The following PPP1R9A variants were observed in gnomAD, a reference collection of about 807,000 sequenced individuals.
PPP1R9A encodes the protein neurabin-1.
Under a neutral mutation model 141.9 loss-of-function variants are expected in PPP1R9A, and 59 were observed. The ratio of observed to expected loss-of-function variants is 0.42; its 90% CI spans 0.34 to 0.52. The LOEUF is 0.52. Among genes scored for constraint, PPP1R9A ranks in the 20% least tolerant of loss-of-function variants. The pLI is 0.10. For synonymous variants in PPP1R9A, 500 were observed against 569.7 expected (o/e 0.88, Z 1.74); for missense variants, 1,444 against 1,611.9 (o/e 0.90, Z 1.78).
chr7:95,070,603 A>ATATATATATATATATATG (rs1399784033), intron 2 of PPP1R9A, among the ~76,000 whole-genome samples: 1 of 125,938 alleles, frequency 7.9e-6, no homozygotes, highest in African/African-American at 2.8e-5. Context: ...GTATATATAT[A>ATATATATATATATATATG]TATATATACA....
intron 2 of PPP1R9A, among the ~76,000 whole-genome samples, chr7:95,079,761 C>A (rs1435956350): frequency 2.6e-5 from 4 of 152,128 alleles, no homozygotes; most frequent in African/African-American, 9.7e-5. Context: ...GGGCTTCATC[C>A]CTGGGATGCA....
At chr7:95,236,890 T>C (rs1227416020) in intron 8 of PPP1R9A, among the ~76,000 whole-genome samples, 1 of 151,644 alleles carries the variant, frequency 6.6e-6, no homozygotes, top group East Asian at 1.9e-4. Flanking sequence ...ATATGTATTT[T>C]TTCTTGCAAT....
At chr7:95,138,347 C>A (rs1206655816) in intron 4 of PPP1R9A, among the ~76,000 whole-genome samples, 2 of 152,172 alleles carry the variant, frequency 1.3e-5, no homozygotes, top group Non-Finnish European at 2.9e-5. Flanking sequence ...GGACCACAAA[C>A]CCTGTTTCAC....
Position 95,191,360 on chromosome 7 carries a change from G to A in PPP1R9A, c.1755-6989G>A, listed in dbSNP as rs906472831. 3.3e-5 allele frequency among the ~76,000 whole-genome samples: 5 copies of A among 152,162 alleles called. 1 individual carries two copies. The highest frequency in any genetic ancestry group is 3.3e-4 in the Admixed American group (5 of 15,268). ...AAAAATTTTAATTGACATAATGATT[G>A]CATATATTGAAGTGGTACATAATTA... is the stretch of plus-strand genomic sequence containing the variant. On this transcript the variant is annotated intron_variant, in intron 5 of 19. Coordinates refer to ENST00000433360, the MANE Select transcript of PPP1R9A (RefSeq NM_001166160.2).
chr7:94,943,895 G>A (rs1407632396), intron 2 of PPP1R9A, among the ~76,000 whole-genome samples: 1 of 152,060 alleles, frequency 6.6e-6, no homozygotes. Flanking sequence ...GCAAAAGTAG[G>A]TTATTTGTTT....
intron 18 of PPP1R9A, among the ~76,000 whole-genome samples, chr7:95,286,661 C>G (rs1805392976): frequency 6.6e-6 from 1 of 152,104 alleles, no homozygotes. Flanking sequence ...CCTCCCCTGA[C>G]AACCACACTC....
chr7:94,924,776 C>T (rs1251201559), intron 2 of PPP1R9A, among the ~76,000 whole-genome samples: 1 of 152,072 alleles, frequency 6.6e-6, no homozygotes, highest in Non-Finnish European at 1.5e-5. Flanking sequence ...GTGATCTACC[C>T]ACCTCGGCCT....
At chr7:95,283,236 C>T (rs931415477) in intron 16 of PPP1R9A, among the ~76,000 whole-genome samples, 1 of 152,192 alleles carries the variant, frequency 6.6e-6, no homozygotes, top group African/African-American at 2.4e-5. Context: ...TTTCAAACTG[C>T]GTTCTTCAAA....
chr7:95,099,149 A>C (rs1236422937), intron 2 of PPP1R9A, among the ~76,000 whole-genome samples: 2 of 152,228 alleles, frequency 1.3e-5, no homozygotes, highest in East Asian at 3.9e-4. Flanking sequence ...CCAACTGCTG[A>C]GACACATGCT....
chr7:95,062,957 A>G (rs1465054891), intron 2 of PPP1R9A, among the ~76,000 whole-genome samples: 3 of 152,180 alleles, frequency 2.0e-5, no homozygotes, highest in Non-Finnish European at 4.4e-5. Context: ...AATATTGTTA[A>G]AATAAACTTC....
At chr7:94,934,145 AC>A in intron 2 of PPP1R9A, among the ~76,000 whole-genome samples, 1 of 152,306 alleles carries the variant, frequency 6.6e-6, no homozygotes, top group South Asian at 2.1e-4. Context: ...GTAAGAGGTG[AC>A]CCAGGAATTA....
chr7:94,956,966 G>C (rs561198275), intron 2 of PPP1R9A, among the ~76,000 whole-genome samples: 25 of 152,192 alleles, frequency 1.6e-4, no homozygotes, highest in African/African-American at 5.8e-4. Flanking sequence ...ATAAATGTAC[G>C]TGATCAGTTT....
chr7:94,969,918 G>A lies in PPP1R9A; in HGVS notation c.1395+58410G>A, dbSNP rs189434398. Among the ~76,000 whole-genome samples, 209 of 152,206 alleles carry A rather than the reference G, an allele frequency of 1.4e-3. 1 individual carries two copies. The highest frequency in any genetic ancestry group is 6.8e-3 in the Middle Eastern group (2 of 292). On this transcript the variant is annotated intron_variant, in intron 2 of 19. Transcript: ENST00000433360. ...AGCTGTGTTGGGCCCCACCCAGTTC[G>A]ACCTTTCTGGTGGCTTTGTTTACAC...
At chr7:95,287,003 C>G (rs541432321) in intron 18 of PPP1R9A, 1 of 1,236,878 alleles carries the variant, frequency 8.1e-7, no homozygotes, top group African/African-American at 1.5e-5. Context: ...CCGTATTCTT[C>G]AAGCTTGGTG....
chr7:94,958,781 C>A (rs554714695), intron 2 of PPP1R9A, among the ~76,000 whole-genome samples: 111 of 152,084 alleles, frequency 7.3e-4, no homozygotes, highest in Non-Finnish European at 1.1e-3. Flanking sequence ...ACTGTATAAA[C>A]AATTCCTTTT....
intron 2 of PPP1R9A, among the ~76,000 whole-genome samples, chr7:95,013,038 C>G (rs1804646039): frequency 6.6e-6 from 1 of 152,010 alleles, no homozygotes; most frequent in Admixed American, 6.6e-5. Context: ...GTTGTGGACC[C>G]CTTTGAATTC....
At chr7:95,002,170 C>T (rs1336183082) in intron 2 of PPP1R9A, among the ~76,000 whole-genome samples, 1 of 152,030 alleles carries the variant, frequency 6.6e-6, no homozygotes, top group African/African-American at 2.4e-5. Flanking sequence ...GATTAAGAGG[C>T]CATTTCATGT....
chr7:95,177,076 T>A (rs533605775), intron 5 of PPP1R9A, among the ~76,000 whole-genome samples: 8 of 152,072 alleles, frequency 5.3e-5, no homozygotes, highest in African/African-American at 9.7e-5. Flanking sequence ...TCAGGTTAAC[T>A]AAAGTTAAGA....
chr7:95,064,289 G>A (rs1421160663), intron 2 of PPP1R9A, among the ~76,000 whole-genome samples: 4 of 151,996 alleles, frequency 2.6e-5, no homozygotes, highest in Non-Finnish European at 5.9e-5. Flanking sequence ...CATTAACTTT[G>A]AACTCATGGC....
Sources: gnomAD v4.1 joint callset for allele counts (sites outside exome capture counted in the v4.1 genomes callset) on GRCh38, gnomAD v4.1.1 for gene constraint, MANE v1.5 for transcripts, NCBI Gene and HGNC (gene_info 2026-07-23, HGNC 2026-07-21) for gene names.